Variants in RARS2 observed in about 807,000 individuals in gnomAD.
RARS2 encodes the protein arginyl-tRNA synthetase 2, mitochondrial.
RARS2 carries 67 observed loss-of-function variants against 88.5 expected under a neutral mutation model. That is an observed-to-expected ratio of 0.76 (90% CI 0.62 to 0.93). The LOEUF (loss-of-function observed/expected upper bound fraction) is 0.93, where lower values mean the gene tolerates loss of function less well. Ranked by LOEUF, RARS2 falls within the 40% of genes least tolerant of loss-of-function variation. The probability of loss-of-function intolerance (pLI) is 0.00; values close to 1 mark genes in which losing one functional copy is unlikely to be tolerated. For synonymous variants in RARS2, 239 were observed against 230.3 expected (o/e 1.04, Z -0.34); for missense variants, 664 against 684.2 (o/e 0.97, Z 0.33).
At chr6:87,514,907 A>G in intron 19 of RARS2, 50 bp downstream of exon 19, 1 of 1,440,470 alleles carries the variant, frequency 6.9e-7, no homozygotes, top group Non-Finnish European at 9.8e-7. Flanking sequence ...ACTTAGTAAT[A>G]TTAGTCTCAG....
chr6:87,520,151 C>G (rs1440126481), intron 13 of RARS2, 29 bp downstream of exon 13: 4 of 1,581,784 alleles, frequency 2.5e-6, no homozygotes, highest in Non-Finnish European at 3.5e-6. Flanking sequence ...TGACCCTGCA[C>G]AGACAATTAA....
intron 5 of RARS2, among the ~76,000 whole-genome samples, chr6:87,552,517 C>A (rs1273738898): frequency 6.6e-6 from 1 of 152,174 alleles, no homozygotes; most frequent in Non-Finnish European, 1.5e-5. Flanking sequence ...CTTTCCTTAA[C>A]TGCTTTAGAA....
chr6:87,543,746 G>C (rs1006678845), intron 7 of RARS2, among the ~76,000 whole-genome samples: 11 of 152,152 alleles, frequency 7.2e-5, no homozygotes, highest in African/African-American at 2.7e-4. Flanking sequence ...GTAGAAAGTG[G>C]GACGTGACTG....
At position 87,552,443 on chromosome 6, in the gene RARS2, A is replaced by T; in HGVS notation, c.395+2965T>A. 2.0e-5 allele frequency among the ~76,000 whole-genome samples: 3 copies of T among 152,170 alleles called. 1 individual carries two copies. The highest frequency in any genetic ancestry group is 4.4e-5 in the Non-Finnish European group (3 of 68,030). ...CACATGTGAACTGTCAGAGGCAAAG[A>T]TGGCTGCTAGGAGATAGACAGGCTC... On this transcript the variant is annotated intron_variant, in intron 5 of 19. Transcript: ENST00000369536.
chr6:87,539,828 G>A (rs13213729), intron 8 of RARS2, among the ~76,000 whole-genome samples: 62,981 of 151,990 alleles, frequency 0.41, 13,155 homozygotes, highest in Admixed American at 0.48. Context: ...TTGTGGCACC[G>A]GGGAACAAGC....
intron 1 of RARS2, among the ~76,000 whole-genome samples, chr6:87,586,367 C>T (rs540018597): frequency 1.8e-4 from 28 of 152,316 alleles, no homozygotes; most frequent in African/African-American, 6.7e-4. Flanking sequence ...CCTCCTCTTG[C>T]AATACCTGAC....
At chr6:87,583,595 A>G (rs1378148109) in intron 1 of RARS2, among the ~76,000 whole-genome samples, 2 of 152,158 alleles carry the variant, frequency 1.3e-5, no homozygotes, top group Non-Finnish European at 2.9e-5. Flanking sequence ...GTCTCAAAAA[A>G]AAAAAAAACA....
chr6:87,543,893 T>C (rs1218297781), intron 7 of RARS2, among the ~76,000 whole-genome samples: 2 of 152,164 alleles, frequency 1.3e-5, no homozygotes, highest in East Asian at 1.9e-4. Context: ...AGATGCTCAG[T>C]GTTCCAAAAC....
At position 87,524,470 on chromosome 6, in the gene RARS2, C is replaced by G. The variant is rs528221951; in HGVS notation, c.974+87G>C. 2.9e-6 allele frequency: 3 copies of G among 1,041,236 alleles called. No individual in the cohort carries two copies. In the African/African-American group the frequency reaches 4.7e-5, roughly 16 times the overall value. The allele number at this position is 1,041,236 out of a possible 1,614,324, so 64.5% of individuals were successfully genotyped here. On this transcript the variant is annotated intron_variant, in intron 11 of 19. Transcript: ENST00000369536. ...GAATAATGTCATCAGCTGTGGAATC[C>G]GATAATGCATAATTAATTGTACATA...
intron 1 of RARS2, among the ~76,000 whole-genome samples, chr6:87,575,342 T>C (rs1009781371): frequency 6.7e-6 from 1 of 149,310 alleles, no homozygotes; most frequent in African/African-American, 2.5e-5. Context: ...ATTTGGGAGA[T>C]GGTTCCTGAG....
At position 87,548,590 on chromosome 6, in the gene RARS2, C is replaced by T; in HGVS notation, c.451+1G>A. The T allele has an allele frequency of 5.0e-6, 8 of 1,612,274 alleles. No homozygotes were observed. The highest frequency in any genetic ancestry group is 6.8e-6 in the Non-Finnish European group (8 of 1,179,018). ...CATTTTATGTGAAACTAAACACTTA[C>T]CTATGATGGTAGAACGCAAATGTCC... On this transcript the variant is annotated splice_donor_variant, in intron 6 of 19. Transcript: ENST00000369536. LOFTEE classifies it high-confidence loss of function.
In RARS2 at chr6:87,560,318, A is replaced by G. The variant is rs114970805; in HGVS notation, c.297+2384T>C. ...AGCGTGAAATAAAATGATGTTATCC[A>G]TTGTGTATTTCTGAAGCATCCCTAA... On this transcript the variant is annotated intron_variant, in intron 4 of 19. Coordinates refer to ENST00000369536, the MANE Select transcript of RARS2 (RefSeq NM_020320.5). 4.5e-3 allele frequency among the ~76,000 whole-genome samples: 684 copies of G among 152,304 alleles called. 10 individuals carry two copies. The highest frequency in any genetic ancestry group is 0.015 in the African/African-American group (616 of 41,570).
intron 1 of RARS2, among the ~76,000 whole-genome samples, chr6:87,579,719 T>G (rs903750307): frequency 2.3e-5 from 2 of 88,170 alleles, no homozygotes; most frequent in Non-Finnish European, 4.4e-5. Flanking sequence ...GAGCATGTTT[T>G]TTTTTTTTTT....
At chr6:87,561,737 G>A (rs182344638) in intron 4 of RARS2, among the ~76,000 whole-genome samples, 2 of 152,144 alleles carry the variant, frequency 1.3e-5, no homozygotes, top group Non-Finnish European at 2.9e-5. Flanking sequence ...TAAGCAGTCC[G>A]CTTGCTCCTT....
chr6:87,575,964 T>C (rs1771360752), intron 1 of RARS2, among the ~76,000 whole-genome samples: 1 of 151,758 alleles, frequency 6.6e-6, no homozygotes, highest in Non-Finnish European at 1.5e-5. Flanking sequence ...CATGCCCAGC[T>C]AATTTTTGTA....
intron 5 of RARS2, among the ~76,000 whole-genome samples, chr6:87,550,725 G>C (rs1402968319): frequency 9.0e-6 from 1 of 111,672 alleles, no homozygotes; most frequent in African/African-American, 3.6e-5. Context: ...AAAAAAAAAA[G>C]AATAGAATAC....
rs368577515 is a variant in RARS2, at chr6:87,589,896, T to G, written c.36+26A>C. ...TTGGGGTCCCTAGCTCCTCAGGGAC[T>G]CCTCTGCGCGCTCCGGGATCCATAC... On this transcript the variant is annotated intron_variant, in intron 1 of 19. Transcript: ENST00000369536. The G allele has an allele frequency of 1.4e-5, 23 of 1,614,196 alleles. No individual in the cohort carries two copies. The African/African-American group carries it at 2.9e-4, about 21-fold the overall frequency.
At chr6:87,542,304 C>T (rs1463415569) in intron 7 of RARS2, among the ~76,000 whole-genome samples, 1 of 152,060 alleles carries the variant, frequency 6.6e-6, no homozygotes, top group Non-Finnish European at 1.5e-5. Flanking sequence ...TGAACACCAC[C>T]CTAGCAGACA....
chr6:87,541,777 T>TCA, intron 8 of RARS2, 141 bp downstream of exon 8: 61 of 623,822 alleles, frequency 9.8e-5, no homozygotes, highest in Non-Finnish European at 1.6e-4. Flanking sequence ...TGAGCTGAGA[T>TCA]TGCACCACTG....
Sources: allele counts gnomAD v4.1 joint callset (sites outside exome capture counted in the v4.1 genomes callset), GRCh38; gene constraint gnomAD v4.1.1; transcripts MANE v1.5; gene names NCBI Gene and HGNC (gene_info 2026-07-23, HGNC 2026-07-21).